Variants in SCAMP4 observed in about 807,000 individuals in gnomAD.
SCAMP4 encodes secretory carrier-associated membrane protein 4.
Under a neutral mutation model 32.1 loss-of-function variants are expected in SCAMP4, and 19 were observed. The ratio of observed to expected loss-of-function variants is 0.59; its 90% CI spans 0.41 to 0.87. The LOEUF is 0.87. SCAMP4 is among the 40% of genes least tolerant of loss of function. The pLI is 0.00. For missense variants in SCAMP4, 302 were observed against 309.0 expected (o/e 0.98, Z 0.17); for synonymous variants, 152 against 132.7 (o/e 1.15, Z -1.00).
At chr19:1,918,359 T>G in intron 4 of SCAMP4, 76 bp downstream of exon 4, 1 of 1,401,652 alleles carries the variant, frequency 7.1e-7, no homozygotes. Context: ...CCAGCCCAGC[T>G]GTGAGGAGCT....
chr19:1,917,717 C>A lies in SCAMP4; in HGVS notation c.31C>A (p.Leu11Met). Residue 11 changes from leucine (L) to methionine (M), a missense_variant, in exon 3 of 7, where the codon CTG becomes ATG. By Grantham distance (15) the Leu-to-Met change is conservative. Transcript: ENST00000316097. Reference sequence around the variant, plus strand: ...AGAAAAGGAGAACAACTTCCCGCCACTGCCCAAGTTCATCCCTGTGAAGCC... The same window carrying A: ...AGAAAAGGAGAACAACTTCCCGCCAATGCCCAAGTTCATCCCTGTGAAGCC... MSEKENNFPP[L>M]PKFIPVKPCF... 6.2e-7 allele frequency: 1 copy of A among 1,614,068 alleles called. No individual in the cohort carries two copies. The highest frequency in any genetic ancestry group is 1.1e-5 in the South Asian group (1 of 91,086).
intron 1 of SCAMP4, chr19:1,912,427 C>A: frequency 6.6e-7 from 1 of 1,511,988 alleles, no homozygotes; most frequent in Non-Finnish European, 8.8e-7. Context: ...GAGCTCCTGC[C>A]ACGGCCGGCT....
At chr19:1,921,867 G>A (rs1056664522) in intron 5 of SCAMP4, 2 of 985,232 alleles carry the variant, frequency 2.0e-6, no homozygotes, top group Admixed American at 6.2e-5. Flanking sequence ...AGCCTGTGAT[G>A]CTGTGGAGGC....
intron 5 of SCAMP4, chr19:1,921,523 A>C: frequency 1.0e-6 from 1 of 985,444 alleles, no homozygotes; most frequent in Non-Finnish European, 1.2e-6. Flanking sequence ...CATGCAGCCC[A>C]CTGACAGTGT....
At chr19:1,912,522 C>G in intron 1 of SCAMP4, 3 of 1,496,962 alleles carry the variant, frequency 2.0e-6, no homozygotes, top group Non-Finnish European at 2.7e-6. Context: ...CGAGGAGGCC[C>G]GGGCCCACTG....
intron 6 of SCAMP4, among the ~76,000 whole-genome samples, chr19:1,923,780 G>A (rs1167062220): frequency 6.8e-6 from 1 of 147,306 alleles, no homozygotes; most frequent in Admixed American, 7.0e-5. Flanking sequence ...TACCGCACCT[G>A]GCTAATTATT....
rs775669069 is a variant in SCAMP4 at position 1,924,123 on chromosome 19, C to T, written c.529C>T (p.Arg177Ter). ...IAIMKVHRIY[R>*]GAGGSFQKAQ... ...GTCCTTGCAGGTGCACAGGATCTAC[C>T]GAGGGGCTGGCGGAAGCTTCCAGAA... Residue 177 changes from arginine (R) to a stop codon, truncating the protein, a stop_gained, in exon 7 of 7, where the codon CGA becomes TGA. Transcript: ENST00000316097. LOFTEE classifies it high-confidence loss of function. 6 of 1,609,992 alleles carry T rather than the reference C, an allele frequency of 3.7e-6. No individual in the cohort carries two copies. Among genetic ancestry groups the T allele is most frequent in the East Asian group, 2.2e-5 (1 of 44,764 alleles).
At chr19:1,907,572 G>A (rs914238904) in intron 1 of SCAMP4, among the ~76,000 whole-genome samples, 8 of 152,126 alleles carry the variant, frequency 5.3e-5, no homozygotes, top group African/African-American at 1.2e-4. Flanking sequence ...AGGTCCCGGC[G>A]CGGACCTTGG....
chr19:1,917,969 G>A, intron 3 of SCAMP4, 147 bp downstream of exon 3: 1 of 1,360,506 alleles, frequency 7.4e-7, no homozygotes, highest in Non-Finnish European at 1.0e-6. Flanking sequence ...GAACGAGGCT[G>A]GTGTCCAGGC....
intron 5 of SCAMP4, chr19:1,922,261 C>T: frequency 1.0e-6 from 1 of 985,336 alleles, no homozygotes. Context: ...CAGTGCTTTC[C>T]CTCGTTTTTT....
Position 1,905,430 on chromosome 19 carries a change from G to A in SCAMP4, c.-51G>A. 1 of 463,874 alleles carries A rather than the reference G, an allele frequency of 2.2e-6. No individual in the cohort carries two copies. The highest frequency in any genetic ancestry group is 4.5e-6 in the Non-Finnish European group (1 of 223,932). The allele number at this position is 463,874 out of a possible 1,614,324, so 28.7% of individuals were successfully genotyped here. A position where few individuals can be genotyped will look rare whatever the true frequency, so the allele number is the denominator to read the frequency against. Reference sequence around the variant, plus strand: ...TGGCGAAGCGCTGCGCTCGCGCCCGGATCCCTCAGGTAAGCGCGCGGCCCC... The same window carrying A: ...TGGCGAAGCGCTGCGCTCGCGCCCGAATCCCTCAGGTAAGCGCGCGGCCCC... On this transcript the variant is annotated 5_prime_UTR_variant, in exon 1 of 7. Transcript: ENST00000316097.
At chr19:1,911,062 A>G (rs2013417616) in intron 1 of SCAMP4, among the ~76,000 whole-genome samples, 1 of 151,936 alleles carries the variant, frequency 6.6e-6, no homozygotes, top group Non-Finnish European at 1.5e-5. Flanking sequence ...TTTTTAGTAG[A>G]GACGGGGTTT....
intron 1 of SCAMP4, chr19:1,913,037 C>T (rs1437553191): frequency 2.5e-6 from 4 of 1,603,936 alleles, no homozygotes; most frequent in Non-Finnish European, 2.5e-6. Context: ...CCTCGCCCGA[C>T]GGCGCCCTGG....
In SCAMP4 at chr19:1,922,817, C is replaced by T. The variant is rs143494179; in HGVS notation, c.396-253C>T. 3,588 of 1,186,824 alleles carry T rather than the reference C, an allele frequency of 3.0e-3. 8 individuals are homozygous for T. Among genetic ancestry groups the T allele is most frequent in the Middle Eastern group, 7.4e-3 (22 of 2,964 alleles). 73.5% of individuals were successfully genotyped at this position (1,186,824 alleles called of 1,614,324 possible). On this transcript the variant is annotated intron_variant, in intron 5 of 6. Coordinates refer to ENST00000316097, the MANE Select transcript of SCAMP4 (RefSeq NM_079834.4). ...TGGTGAAGGGATAAGGTTGTGTTCA[C>T]GCGTCGAAGTTTGTGTCCACTGCAC...
At chr19:1,913,484 A>G (rs928660270) in intron 1 of SCAMP4, 6 of 405,414 alleles carry the variant, frequency 1.5e-5, no homozygotes, top group Non-Finnish European at 2.3e-5. Flanking sequence ...CTTTGTGGCC[A>G]GGGTCCCGAG....
intron 1 of SCAMP4, among the ~76,000 whole-genome samples, chr19:1,907,614 C>G (rs1568759301): frequency 6.6e-6 from 1 of 152,152 alleles, no homozygotes; most frequent in Non-Finnish European, 1.5e-5. Flanking sequence ...ATAAAGGCCT[C>G]CCAGCCTCCT....
rs1232555909 is a variant in SCAMP4, at chr19:1,918,432, A to G, written c.293+149A>G. 5.2e-6 allele frequency: 5 copies of G among 966,524 alleles called. No individual in the cohort carries two copies. The African/African-American group carries it at 8.3e-5, about 16-fold the overall frequency. The allele number at this position is 966,524 out of a possible 1,614,324, so 59.9% of individuals were successfully genotyped here. On this transcript the variant is annotated intron_variant, in intron 4 of 6. Coordinates refer to ENST00000316097, the MANE Select transcript of SCAMP4 (RefSeq NM_079834.4). Reference sequence around the variant, plus strand: ...CTGGGGGTGGCAAACTGTGGCCCACAAGCCAGAGCCAACTACTGTCTGTTT... The same window carrying G: ...CTGGGGGTGGCAAACTGTGGCCCACGAGCCAGAGCCAACTACTGTCTGTTT...
intron 1 of SCAMP4, chr19:1,912,775 T>C: frequency 6.4e-7 from 1 of 1,567,124 alleles, no homozygotes; most frequent in Non-Finnish European, 8.6e-7. Flanking sequence ...GCCGTCATGG[T>C]GTGCGTGGAC....
intron 5 of SCAMP4, chr19:1,921,375 C>G: frequency 1.0e-5 from 10 of 985,432 alleles, no homozygotes; most frequent in Non-Finnish European, 1.2e-5. Flanking sequence ...GAAATGACCC[C>G]CAGCGGGGCC....
Sources: allele counts gnomAD v4.1 joint callset (sites outside exome capture counted in the v4.1 genomes callset), GRCh38; gene constraint gnomAD v4.1.1; transcripts MANE v1.5; gene names NCBI Gene and HGNC (gene_info 2026-07-23, HGNC 2026-07-21).